The following CCND3 variants were observed in gnomAD, a reference collection of about 807,000 sequenced individuals.
The protein encoded by CCND3 is cyclin D3, also known as G1/S-specific cyclin-D3.
Under a neutral mutation model 28.7 loss-of-function variants are expected in CCND3, and 9 were observed. The observed-to-expected ratio is 0.31, with a 90% CI of 0.19 to 0.55. The LOEUF (loss-of-function observed/expected upper bound fraction) is 0.55, where lower values mean the gene tolerates loss of function less well. Among genes scored for constraint, CCND3 ranks in the 20% least tolerant of loss-of-function variants. The pLI is 0.93. For synonymous variants in CCND3, 164 were observed against 163.9 expected (o/e 1.00, Z 0.00); for missense variants, 315 against 385.8 (o/e 0.82, Z 1.54).
chr6:42,018,121 C>G (rs992048599), intron 1 of CCND3, among the ~76,000 whole-genome samples: 2 of 151,904 alleles, frequency 1.3e-5, no homozygotes, highest in African/African-American at 4.8e-5. Context: ...TGCACTCCAG[C>G]CTGGGTGATA....
intron 1 of CCND3, among the ~76,000 whole-genome samples, chr6:41,970,864 T>C (rs531626743): frequency 1.3e-5 from 2 of 152,318 alleles, no homozygotes; most frequent in East Asian, 1.9e-4. Flanking sequence ...CTGTTTTTTT[T>C]CCACCAACTC....
intron 1 of CCND3, among the ~76,000 whole-genome samples, chr6:42,025,370 C>T (rs1490924900): frequency 6.6e-6 from 1 of 152,198 alleles, no homozygotes; most frequent in Non-Finnish European, 1.5e-5. Context: ...ACCTTCTTTC[C>T]TGGAGCAAAG....
chr6:42,024,018 A>C (rs1763791683), intron 1 of CCND3, among the ~76,000 whole-genome samples: 1 of 152,138 alleles, frequency 6.6e-6, no homozygotes, highest in Admixed American at 6.6e-5. Context: ...GCCTCCTAAC[A>C]ACTCATGTAA....
At chr6:41,984,529 G>A (rs1243160024) in intron 1 of CCND3, among the ~76,000 whole-genome samples, 1 of 152,084 alleles carries the variant, frequency 6.6e-6, no homozygotes, top group African/African-American at 2.4e-5. Flanking sequence ...TGTATTTTTA[G>A]TAGAGATGGG....
intron 1 of CCND3, among the ~76,000 whole-genome samples, chr6:42,009,737 G>A (rs1384709167): frequency 6.6e-6 from 1 of 152,206 alleles, no homozygotes; most frequent in Non-Finnish European, 1.5e-5. Flanking sequence ...AACCCAGGAG[G>A]TGGAGGTTGC....
At chr6:42,042,429 C>T (rs1255416700) in intron 1 of CCND3, among the ~76,000 whole-genome samples, 1 of 151,454 alleles carries the variant, frequency 6.6e-6, no homozygotes, top group African/African-American at 2.4e-5. Flanking sequence ...GGCGCGATCT[C>T]GGCTCACCAC....
chr6:41,999,910 T>C (rs2127420643), intron 1 of CCND3, among the ~76,000 whole-genome samples: 1 of 151,976 alleles, frequency 6.6e-6, no homozygotes, highest in East Asian at 1.9e-4. Context: ...ATAAAATAAA[T>C]CCACCATCGG....
chr6:42,022,246 C>T (rs1469676203), intron 1 of CCND3, among the ~76,000 whole-genome samples: 1 of 152,130 alleles, frequency 6.6e-6, no homozygotes, highest in Admixed American at 6.6e-5. Context: ...GCCAAAGCAC[C>T]CTCACTTTCT....
At chr6:42,036,871 C>G (rs1764234756) in intron 1 of CCND3, among the ~76,000 whole-genome samples, 1 of 152,096 alleles carries the variant, frequency 6.6e-6, no homozygotes, top group Non-Finnish European at 1.5e-5. Flanking sequence ...GGCTATACTT[C>G]TCATTATTTT....
intron 1 of CCND3, among the ~76,000 whole-genome samples, chr6:42,042,961 G>C (rs906250873): frequency 6.6e-6 from 1 of 152,232 alleles, no homozygotes; most frequent in Admixed American, 6.5e-5. Flanking sequence ...CTCCATGAGA[G>C]ATGGCACAGA....
chr6:41,975,087 T>C (rs1762138746), intron 1 of CCND3, among the ~76,000 whole-genome samples: 1 of 152,086 alleles, frequency 6.6e-6, no homozygotes, highest in African/African-American at 2.4e-5. Context: ...CCACCGTGCC[T>C]GGCCCCCACA....
intron 1 of CCND3, among the ~76,000 whole-genome samples, chr6:41,992,451 C>T (rs1362471730): frequency 1.4e-5 from 2 of 140,052 alleles, no homozygotes; most frequent in Non-Finnish European, 3.0e-5. Flanking sequence ...CATGAGCCAC[C>T]ACACCCAGCC....
intron 1 of CCND3, among the ~76,000 whole-genome samples, chr6:41,992,699 G>A (rs142858022): frequency 1.6e-3 from 242 of 151,036 alleles, no homozygotes; most frequent in Non-Finnish European, 2.9e-3. Context: ...CACTGGTCTC[G>A]GCCTCCCAAA....
At chr6:41,987,702 A>G (rs1448665001) in intron 1 of CCND3, among the ~76,000 whole-genome samples, 3 of 150,582 alleles carry the variant, frequency 2.0e-5, no homozygotes, top group African/African-American at 7.3e-5. Flanking sequence ...GGGTCTTGCT[A>G]TGTTGCCCAG....
At chr6:41,944,610 C>T (rs554234527), upstream of CCND3, among the ~76,000 whole-genome samples, 7 of 152,130 alleles carry the variant, frequency 4.6e-5, no homozygotes, top group South Asian at 2.1e-4. Context: ...TCAGTAGATA[C>T]GGGATTTCAC....
Position 41,936,516 on chromosome 6 carries a change from C to G in CCND3, c.711+43G>C. ...ACTGGAGGCTCAGGGCATAGCACTA[C>G]TTTATGAATGGAGAGGCTGCTGCCC... On this transcript the variant is annotated intron_variant, in intron 4 of 4. Coordinates refer to ENST00000372991, the MANE Select transcript of CCND3 (RefSeq NM_001760.5). This position sits in a 1 kb window ranked among gnomAD's most constrained non-coding sequence, Gnocchi z 4.4. 1 of 1,610,102 alleles carries G rather than the reference C, an allele frequency of 6.2e-7. No homozygotes were observed. Among genetic ancestry groups the G allele is most frequent in the Non-Finnish European group, 8.5e-7 (1 of 1,177,758 alleles).
rs184249576 is a variant in CCND3 at position 42,023,774 on chromosome 6, C to T, written c.-46+24727G>A. 1.8e-4 allele frequency among the ~76,000 whole-genome samples: 28 copies of T among 152,220 alleles called. No individual in the cohort carries two copies. The East Asian group carries it at 5.2e-3, about 28-fold the overall frequency. ...AAAAAATACAGGATGCAAGCAGGGT[C>T]CTGACCCTGTCACTGACCATCTTAA... On this transcript the variant is annotated intron_variant, in intron 1 of 4. Coordinates refer to the CCND3 transcript ENST00000372988.
intron 1 of CCND3, among the ~76,000 whole-genome samples, chr6:42,020,979 T>G (rs1763694712): frequency 6.6e-6 from 1 of 152,220 alleles, no homozygotes; most frequent in South Asian, 2.1e-4. Context: ...CTCAAACTCT[T>G]GACCTCAGGT....
intron 1 of CCND3, among the ~76,000 whole-genome samples, chr6:42,034,149 T>C (rs1204959362): frequency 1.4e-5 from 2 of 140,774 alleles, no homozygotes; most frequent in African/African-American, 2.8e-5. Flanking sequence ...GACCCTGTCT[T>C]TTTTTTTTTT....
Sources: gnomAD v4.1 joint callset for allele counts (sites outside exome capture counted in the v4.1 genomes callset) on GRCh38, gnomAD v4.1.1 for gene constraint, Gnocchi (gnomAD v3.1) non-coding constraint, MANE v1.5 for transcripts, NCBI Gene and HGNC (gene_info 2026-07-23, HGNC 2026-07-21) for gene names.